Variants in COG6 observed in about 807,000 individuals in gnomAD.
COG6 encodes component of oligomeric golgi complex 6, also known as conserved oligomeric Golgi complex subunit 6.
Under a neutral mutation model 88.8 loss-of-function variants are expected in COG6, and 74 were observed. The ratio of observed to expected loss-of-function variants is 0.83; its 90% CI spans 0.69 to 1.01. COG6 has a LOEUF of 1.01. Ranked by LOEUF, COG6 falls within the 50% of genes least tolerant of loss-of-function variation. COG6 has a pLI of 0.00. For missense variants in COG6, 800 were observed against 797.9 expected (o/e 1.00, Z -0.03); for synonymous variants, 286 against 278.7 (o/e 1.03, Z -0.26).
At chr13:39,655,631 C>G (rs1330054716), upstream of COG6, 3 of 1,407,544 alleles carry the variant, frequency 2.1e-6, no homozygotes, top group Non-Finnish European at 2.0e-6. Flanking sequence ...GGGGCCGATG[C>G]GCATGCGCGG....
At chr13:39,710,588 A>G (rs1023963384) in intron 13 of COG6, among the ~76,000 whole-genome samples, 9 of 152,280 alleles carry the variant, frequency 5.9e-5, no homozygotes, top group African/African-American at 2.2e-4. Context: ...CATTTGGAAT[A>G]TATTTTAATG....
chr13:39,699,699 A>G, intron 13 of COG6, 81 bp downstream of exon 13: 1 of 755,404 alleles, frequency 1.3e-6, no homozygotes, highest in Non-Finnish European at 2.4e-6. Context: ...ATTGATTGAT[A>G]ACTTTTCCCA....
At chr13:39,655,995 C>T in intron 1 of COG6, 116 bp downstream of exon 1, 1 of 1,294,638 alleles carries the variant, frequency 7.7e-7, no homozygotes, top group East Asian at 2.5e-5. Flanking sequence ...AGAGGGACCG[C>T]GAGTGACCCC....
chr13:39,684,243 A>ATTTTTTCTTTT (rs1876493039), intron 8 of COG6, among the ~76,000 whole-genome samples: 1 of 67,382 alleles, frequency 1.5e-5, no homozygotes, highest in Non-Finnish European at 2.5e-5. Flanking sequence ...AATTTGGAAG[A>ATTTTTTCTTTT]TTTTTTTTTT....
At chr13:39,670,714 GCT>G (rs1875580504) in intron 4 of COG6, among the ~76,000 whole-genome samples, 1 of 151,906 alleles carries the variant, frequency 6.6e-6, no homozygotes, top group Non-Finnish European at 1.5e-5. Context: ...TTCTATTTTT[GCT>G]CTGTCATCTA....
At chr13:39,698,285 A>G (rs1245636767) in intron 12 of COG6, among the ~76,000 whole-genome samples, 2 of 151,818 alleles carry the variant, frequency 1.3e-5, no homozygotes, top group African/African-American at 4.8e-5. Context: ...CTTGATGTAC[A>G]CTTTTATTCA....
chr13:39,665,355 G>A (rs369509095), intron 4 of COG6, among the ~76,000 whole-genome samples: 155 of 152,286 alleles, frequency 1.0e-3, no homozygotes, highest in African/African-American at 3.6e-3. Flanking sequence ...GAGGTTGAGA[G>A]ATTATTCCTT....
At chr13:39,713,867 C>T (rs1878377128) in intron 13 of COG6, among the ~76,000 whole-genome samples, 1 of 152,184 alleles carries the variant, frequency 6.6e-6, no homozygotes, top group Admixed American at 6.6e-5. Flanking sequence ...TGTTATTCTG[C>T]TACAGGATTT....
intron 11 of COG6, among the ~76,000 whole-genome samples, chr13:39,694,234 AT>A (rs1307890625): frequency 6.6e-6 from 1 of 151,676 alleles, no homozygotes; most frequent in East Asian, 1.9e-4. Flanking sequence ...AATTTATTTT[AT>A]TTTTTTCTTG....
At chr13:39,731,004 T>C (rs908342586) in intron 18 of COG6, among the ~76,000 whole-genome samples, 12 of 151,486 alleles carry the variant, frequency 7.9e-5, no homozygotes, top group Non-Finnish European at 7.4e-5. Flanking sequence ...GTATTTTTAG[T>C]AGAGATGGGG....
At chr13:39,671,007 A>G (rs1046386649) in intron 4 of COG6, among the ~76,000 whole-genome samples, 1 of 152,024 alleles carries the variant, frequency 6.6e-6, no homozygotes, top group Non-Finnish European at 1.5e-5. Context: ...AGGGGAAAAC[A>G]GGGGAGCATC....
chr13:39,685,049 TTTG>T (rs1376064472), intron 8 of COG6, among the ~76,000 whole-genome samples: 3 of 152,202 alleles, frequency 2.0e-5, no homozygotes, highest in Admixed American at 2.0e-4. Context: ...TCTTTATGTA[TTTG>T]TTGTGTTTCA....
intron 18 of COG6, among the ~76,000 whole-genome samples, chr13:39,728,471 CT>C (rs35333578): frequency 0.42 from 61,355 of 146,778 alleles, 12,851 homozygotes; most frequent in Admixed American, 0.56. Context: ...CTATGGACCA[CT>C]TTTTTTTTTT....
rs756742630 is a variant in COG6, at chr13:39,719,366, A to G, written c.1415A>G (p.Gln472Arg). 55 of 1,611,834 alleles carry G rather than the reference A, an allele frequency of 3.4e-5. No individual in the cohort carries two copies. Among genetic ancestry groups the G allele is most frequent in the Admixed American group, 2.3e-4 (14 of 59,756 alleles). The change falls in exon 14 of 19, where the codon CAG (glutamine) becomes CGG (arginine). Residue 472 changes from glutamine to arginine, a missense_variant and splice_region_variant. Transcript: ENST00000455146. ...PLDARQADFV[Q>R]VLSCVLDPLL... The stretch of plus-strand genomic sequence containing the variant: ...GATGCTCGTCAAGCTGATTTTGTGC[A>G]GGTATGTTATAAATTCATTTTTAAT...
chr13:39,779,231 GT>G (rs1459384260), intron 18 of COG6, among the ~76,000 whole-genome samples: 2 of 131,168 alleles, frequency 1.5e-5, no homozygotes, highest in African/African-American at 5.4e-5. Flanking sequence ...AGTGCAGGGT[GT>G]ATGGTAAGTG....
chr13:39,737,330 A>G lies in COG6; in HGVS notation c.1826+9782A>G, dbSNP rs548879474. Among the ~76,000 whole-genome samples, 16 of 152,104 alleles carry G rather than the reference A, an allele frequency of 1.1e-4. No homozygotes were observed. In the South Asian group the frequency reaches 3.1e-3, roughly 30 times the overall value. ...AGGGATCACTGCATGACTACTGCCT[A>G]TGTTCCCTCAAGGTCCAAGGGCTCT... is the stretch of plus-strand genomic sequence containing the variant. On this transcript the variant is annotated intron_variant, in intron 18 of 18. Coordinates refer to ENST00000455146, the MANE Select transcript of COG6 (RefSeq NM_020751.3).
chr13:39,658,871 T>G (rs1874700790), intron 1 of COG6, among the ~76,000 whole-genome samples: 1 of 152,336 alleles, frequency 6.6e-6, no homozygotes, highest in East Asian at 1.9e-4. Flanking sequence ...CTTAAATAGA[T>G]CATTCCAGAG....
chr13:39,744,504 A>G (rs1880227203), intron 18 of COG6, among the ~76,000 whole-genome samples: 1 of 152,206 alleles, frequency 6.6e-6, no homozygotes, highest in Admixed American at 6.5e-5. Flanking sequence ...CCCATTCACA[A>G]TTGCTACAAA....
intron 4 of COG6, among the ~76,000 whole-genome samples, chr13:39,666,046 A>G (rs1038472972): frequency 6.6e-6 from 1 of 152,222 alleles, no homozygotes; most frequent in African/African-American, 2.4e-5. Context: ...CAGAGACCAT[A>G]TGTGGCCTAC....
Sources: allele counts gnomAD v4.1 joint callset (sites outside exome capture counted in the v4.1 genomes callset), GRCh38; gene constraint gnomAD v4.1.1; transcripts MANE v1.5; gene names NCBI Gene and HGNC (gene_info 2026-07-23, HGNC 2026-07-21).